The following SUFU variants were observed in gnomAD, a reference collection of about 807,000 sequenced individuals.
The protein encoded by SUFU is SUFU negative regulator of hedgehog signaling, also known as suppressor of fused homolog.
In SUFU, 7 loss-of-function variants were observed where a neutral mutation model predicts 58.9. The ratio of observed to expected loss-of-function variants is 0.12; its 90% CI spans 0.07 to 0.22. The LOEUF (loss-of-function observed/expected upper bound fraction) is 0.22, where lower values mean the gene tolerates loss of function less well. SUFU is among the 10% of genes least tolerant of loss of function. The pLI, the probability that SUFU is intolerant of heterozygous loss-of-function variation, is 1.00. For missense variants in SUFU, 451 were observed against 641.3 expected (o/e 0.70, Z 3.20); for synonymous variants, 232 against 254.8 (o/e 0.91, Z 0.85).
At chr10:102,588,229 T>G (rs2063355489) in intron 3 of SUFU, among the ~76,000 whole-genome samples, 1 of 151,760 alleles carries the variant, frequency 6.6e-6, no homozygotes, top group Non-Finnish European at 1.5e-5. Context: ...CCATCTCTAC[T>G]AAAAATACAA....
At chr10:102,616,281 G>C (rs2063686040) in intron 9 of SUFU, among the ~76,000 whole-genome samples, 1 of 152,208 alleles carries the variant, frequency 6.6e-6, no homozygotes, top group African/African-American at 2.4e-5. Flanking sequence ...CCACAGCCCA[G>C]GGGCTCCACC....
chr10:102,534,291 G>T (rs1450302051), intron 2 of SUFU, among the ~76,000 whole-genome samples: 3 of 152,244 alleles, frequency 2.0e-5, no homozygotes, highest in Non-Finnish European at 2.9e-5. Context: ...AGCCGGTGTG[G>T]TGGCAGGTGC....
chr10:102,575,140 G>A (rs984630153), intron 3 of SUFU, among the ~76,000 whole-genome samples: 1 of 152,052 alleles, frequency 6.6e-6, no homozygotes, highest in Non-Finnish European at 1.5e-5. Flanking sequence ...CTTGAGCCTA[G>A]GAGGTTAAGG....
intron 3 of SUFU, among the ~76,000 whole-genome samples, chr10:102,587,532 C>A (rs908593631): frequency 6.6e-6 from 1 of 152,346 alleles, no homozygotes; most frequent in African/African-American, 2.4e-5. Context: ...GGTCTTGTCA[C>A]CCAGGCTGGA....
intron 3 of SUFU, among the ~76,000 whole-genome samples, chr10:102,556,308 C>G (rs2062976672): frequency 6.6e-6 from 1 of 152,080 alleles, no homozygotes. Context: ...GAGGTTTGCG[C>G]AGAGGTGGAA....
chr10:102,624,580 A>G (rs74558061), intron 10 of SUFU, among the ~76,000 whole-genome samples: 14,426 of 152,264 alleles, frequency 0.095, 1,225 homozygotes, highest in East Asian at 0.42. Context: ...ACCAAAAGCA[A>G]AAATGGAGGA....
At chr10:102,560,376 C>T (rs2063024538) in intron 3 of SUFU, among the ~76,000 whole-genome samples, 1 of 151,934 alleles carries the variant, frequency 6.6e-6, no homozygotes, top group Non-Finnish European at 1.5e-5. Flanking sequence ...TTGAGACCAG[C>T]CTGGCCAACA....
chr10:102,548,262 A>C (rs2062874771), intron 2 of SUFU, among the ~76,000 whole-genome samples: 1 of 152,172 alleles, frequency 6.6e-6, no homozygotes, highest in South Asian at 2.1e-4. Context: ...TCCATTGGAG[A>C]ACTTAGCTTC....
chr10:102,576,408 G>T (rs914521305), intron 3 of SUFU, among the ~76,000 whole-genome samples: 1 of 151,890 alleles, frequency 6.6e-6, no homozygotes, highest in Non-Finnish European at 1.5e-5. Context: ...GGTATGTCTT[G>T]AAGATCTTTA....
At chr10:102,583,660 C>T (rs1361775301) in intron 3 of SUFU, among the ~76,000 whole-genome samples, 1 of 152,128 alleles carries the variant, frequency 6.6e-6, no homozygotes, top group East Asian at 1.9e-4. Context: ...CTGTTTCCAG[C>T]CTAAATAAAT....
At chr10:102,541,461 C>T (rs1399656295) in intron 2 of SUFU, among the ~76,000 whole-genome samples, 1 of 149,832 alleles carries the variant, frequency 6.7e-6, no homozygotes, top group Non-Finnish European at 1.5e-5. Flanking sequence ...TGCAGTGGTG[C>T]GATCTCGGCT....
At chr10:102,531,082 CAAAAAAAAA>C (rs5787463) in intron 2 of SUFU, among the ~76,000 whole-genome samples, 6 of 95,398 alleles carry the variant, frequency 6.3e-5, no homozygotes, top group South Asian at 3.9e-4. Context: ...CCATTTCTAC[CAAAAAAAAA>C]AAAAAAAAAA....
At chr10:102,561,494 T>G (rs1240042911) in intron 3 of SUFU, among the ~76,000 whole-genome samples, 1 of 151,922 alleles carries the variant, frequency 6.6e-6, no homozygotes, top group Non-Finnish European at 1.5e-5. Flanking sequence ...CTCAGCCTCC[T>G]GAGTAGCTGG....
intron 2 of SUFU, among the ~76,000 whole-genome samples, chr10:102,514,613 A>T (rs1564659401): frequency 6.6e-6 from 1 of 151,914 alleles, no homozygotes; most frequent in Non-Finnish European, 1.5e-5. Context: ...GTCCTGTGGG[A>T]CTCTTCCCTG....
intron 3 of SUFU, among the ~76,000 whole-genome samples, chr10:102,576,398 G>A (rs953253704): frequency 6.6e-6 from 1 of 151,724 alleles, no homozygotes; most frequent in Non-Finnish European, 1.5e-5. Flanking sequence ...TTCAGTTGAC[G>A]GTATGTCTTG....
intron 2 of SUFU, among the ~76,000 whole-genome samples, chr10:102,523,172 T>C (rs72847751): frequency 1.5e-3 from 228 of 152,308 alleles, no homozygotes; most frequent in Non-Finnish European, 2.7e-3. Flanking sequence ...TAGTAAAAGA[T>C]AGTGGCCCTC....
chr10:102,551,898 G>C (rs559959258), intron 3 of SUFU, among the ~76,000 whole-genome samples: 1 of 150,586 alleles, frequency 6.6e-6, no homozygotes, highest in Admixed American at 6.6e-5. Context: ...CTAATTTTTT[G>C]TATATTTTAG....
intron 2 of SUFU, among the ~76,000 whole-genome samples, chr10:102,538,715 T>A (rs973876189): frequency 6.6e-6 from 1 of 152,240 alleles, no homozygotes; most frequent in African/African-American, 2.4e-5. Flanking sequence ...TGAACCTACG[T>A]TGACACATCA....
intron 2 of SUFU, among the ~76,000 whole-genome samples, chr10:102,520,510 G>A (rs2062539506): frequency 2.0e-5 from 3 of 152,120 alleles, no homozygotes; most frequent in South Asian, 4.1e-4. Flanking sequence ...GTGAGCCACC[G>A]TGCCTGGCCA....
Sources: gnomAD v4.1 joint callset for allele counts (sites outside exome capture counted in the v4.1 genomes callset) on GRCh38, gnomAD v4.1.1 for gene constraint, MANE v1.5 for transcripts, NCBI Gene and HGNC (gene_info 2026-07-23, HGNC 2026-07-21) for gene names.